Variants in TF observed in about 807,000 individuals in gnomAD.
TF encodes transferrin, also known as serotransferrin.
In TF, 55 loss-of-function variants were observed where a neutral mutation model predicts 82.4. The observed-to-expected ratio is 0.67, with a 90% CI of 0.54 to 0.84. The LOEUF is 0.84. Ranked by LOEUF, TF falls within the 40% of genes least tolerant of loss-of-function variation. The pLI is 0.00. For missense variants in TF, 737 were observed against 868.4 expected (o/e 0.85, Z 1.90); for synonymous variants, 332 against 332.6 (o/e 1.00, Z 0.02).
At chr3:133,680,230 G>T in the TF span, among the ~76,000 whole-genome samples, 5 of 150,336 alleles carry the variant, frequency 3.3e-5, no homozygotes, top group Admixed American at 1.3e-4. Context: ...TGGAGTTATA[G>T]GTTCTCCCTC....
Position 133,783,733 on chromosome 3 carries a change from TGGGCCCTCCAGGCCCTCCGCCC to T in TF, c.*5116_*5137del, listed in dbSNP as rs1934572165. The T allele has an allele frequency of 6.6e-6, 1 of 152,270 alleles. No individual in the cohort carries two copies. Among genetic ancestry groups the T allele is most frequent in the African/African-American group, 2.4e-5 (1 of 41,472 alleles). 9.4% of individuals were successfully genotyped at this position (152,270 alleles called of 1,614,324 possible). A position where few individuals can be genotyped will look rare whatever the true frequency, so the allele number is the denominator to read the frequency against. On this transcript the variant is annotated 3_prime_UTR_variant, in exon 17 of 17. Coordinates refer to ENST00000402696, the MANE Select transcript of TF (RefSeq NM_001063.4). ...GAGATGTGAGCGCGGACAGCTCTGC[TGGGCCCTCCAGGCCCTCCGCCC>T]GGTAGAACCCGGAGCCCTGGCCGCG...
chr3:133,688,725 G>A, the TF span, among the ~76,000 whole-genome samples: 2 of 152,136 alleles, frequency 1.3e-5, no homozygotes, highest in Admixed American at 6.5e-5. Flanking sequence ...AATGTTTTTG[G>A]AAGTTATGGT....
chr3:133,720,326 A>G, the TF span, among the ~76,000 whole-genome samples: 1 of 152,132 alleles, frequency 6.6e-6, no homozygotes, highest in African/African-American at 2.4e-5. Context: ...AATTTTATCA[A>G]TGCCTTTTTT....
chr3:133,748,079 TTCCA>T (rs1933552918), intron 1 of TF: 1 of 387,798 alleles, frequency 2.6e-6, no homozygotes, highest in Admixed American at 3.6e-5. Flanking sequence ...GAGGCTTATG[TTCCA>T]TGGGGGGCCA....
chr3:133,695,355 C>T, the TF span, among the ~76,000 whole-genome samples: 13,731 of 148,354 alleles, frequency 0.093, 2,078 homozygotes, highest in African/African-American at 0.32. Flanking sequence ...TCAAGCGATT[C>T]TCCTGCCTTA....
rs1022785885 is a variant in TF, at chr3:133,792,619, A to G, written c.*13999A>G. ...ACTCGCTAAGAGTTAACATTGTAAC[A>G]TGTAAGTGAGACTACTGAAGCAACA... is the stretch of plus-strand genomic sequence containing the variant. On this transcript the variant is annotated 3_prime_UTR_variant, in exon 17 of 17. Coordinates refer to ENST00000402696, the MANE Select transcript of TF (RefSeq NM_001063.4). 5.9e-5 allele frequency: 9 copies of G among 152,244 alleles called. No homozygotes were observed. Among genetic ancestry groups the G allele is most frequent in the African/African-American group, 2.4e-5 (1 of 41,470 alleles). 9.4% of individuals were successfully genotyped at this position (152,244 alleles called of 1,614,324 possible).
intron 14 of TF, chr3:133,774,321 C>CA (rs1191623848): frequency 6.6e-6 from 1 of 151,976 alleles, no homozygotes; most frequent in Non-Finnish European, 1.5e-5. Flanking sequence ...ACTTTAGTGG[C>CA]AAAAAATTGT....
chr3:133,678,501 T>C, the TF span, among the ~76,000 whole-genome samples: 1 of 152,246 alleles, frequency 6.6e-6, no homozygotes, highest in African/African-American at 2.4e-5. Flanking sequence ...TTCCTATTTT[T>C]CCACATCCTC....
the TF span, among the ~76,000 whole-genome samples, chr3:133,681,741 G>C: frequency 5.3e-5 from 8 of 152,204 alleles, no homozygotes; most frequent in African/African-American, 1.9e-4. Context: ...GCTCAAGGAG[G>C]CCTGCCTGCC....
chr3:133,706,079 G>A, the TF span, among the ~76,000 whole-genome samples: 1 of 152,190 alleles, frequency 6.6e-6, no homozygotes, highest in Non-Finnish European at 1.5e-5. Flanking sequence ...GGGCCACACT[G>A]CCAGGAGGCG....
In TF at chr3:133,763,198, G is replaced by T. The variant is rs8177269; in HGVS notation, c.1204-984G>T. Among the ~76,000 whole-genome samples the T allele has an allele frequency of 5.7e-3, 864 of 151,992 alleles. 13 individuals are homozygous for T. The highest frequency in any genetic ancestry group is 0.02 in the African/African-American group (816 of 41,460). On this transcript the variant is annotated intron_variant, in intron 9 of 16. Transcript: ENST00000402696. ...AGTTTGGATGTGTAGAGGGAGTTAT[G>T]GAAAATATATAAAGTGGCTGTTGGG...
rs1401813824 is a variant in TF, at chr3:133,783,625, A to T, written c.*5005A>T. 1 of 152,270 alleles carries T rather than the reference A, an allele frequency of 6.6e-6. No individual in the cohort carries two copies. The highest frequency in any genetic ancestry group is 1.5e-5 in the Non-Finnish European group (1 of 68,038). The allele number at this position is 152,270 out of a possible 1,614,324, so 9.4% of individuals were successfully genotyped here. A position where few individuals can be genotyped will look rare whatever the true frequency, so the allele number is the denominator to read the frequency against. On this transcript the variant is annotated 3_prime_UTR_variant, in exon 17 of 17. Transcript: ENST00000402696. ...CAGAAGTCCTGTAAGACAAAAATAG[A>T]CAAATAAAATGTGAAGATTTTTAAG...
chr3:133,746,430 G>A lies in TF; in HGVS notation c.-11G>A. The stretch of plus-strand genomic sequence containing the variant: ...CCGACTGTGCTCGCTGCTCAGCGCC[G>A]CACCCGGAAGATGAGGCTCGCCGTG... On this transcript the variant is annotated 5_prime_UTR_variant, in exon 1 of 17. Coordinates refer to ENST00000402696, the MANE Select transcript of TF (RefSeq NM_001063.4). The A allele has an allele frequency of 1.3e-6, 2 of 1,597,652 alleles. No individual in the cohort carries two copies. The highest frequency in any genetic ancestry group is 1.7e-6 in the Non-Finnish European group (2 of 1,175,380).
the TF span, among the ~76,000 whole-genome samples, chr3:133,716,252 C>A: frequency 6.6e-6 from 1 of 152,144 alleles, no homozygotes; most frequent in Non-Finnish European, 1.5e-5. Context: ...TTTCCTGAAA[C>A]CCCAGACCTG....
the TF span, among the ~76,000 whole-genome samples, chr3:133,733,711 C>T: frequency 2.0e-5 from 3 of 152,190 alleles, no homozygotes; most frequent in Admixed American, 6.5e-5. Context: ...TTGAACAATG[C>T]TGAATATCTC....
At chr3:133,672,421 A>C in the TF span, among the ~76,000 whole-genome samples, 3 of 152,036 alleles carry the variant, frequency 2.0e-5, no homozygotes, top group African/African-American at 7.2e-5. Context: ...AGAAACCTGC[A>C]GAATGATTTC....
intron 9 of TF, chr3:133,761,538 T>G (rs1201969544): frequency 1.3e-5 from 2 of 152,198 alleles, no homozygotes; most frequent in Non-Finnish European, 2.9e-5. Context: ...GCAAAGGGTG[T>G]ACTTCTGGGT....
At chr3:133,702,658 A>G in the TF span, among the ~76,000 whole-genome samples, 4 of 151,880 alleles carry the variant, frequency 2.6e-5, no homozygotes, top group African/African-American at 9.7e-5. Context: ...TTTATTTATT[A>G]TGATCTCTGA....
the TF span, among the ~76,000 whole-genome samples, chr3:133,663,240 G>T: frequency 7.2e-4 from 110 of 152,058 alleles, no homozygotes; most frequent in Admixed American, 6.5e-3. Flanking sequence ...TGTATTTAGA[G>T]TTGAGCCCAC....
Sources: allele counts gnomAD v4.1 joint callset (sites outside exome capture counted in the v4.1 genomes callset), GRCh38; gene constraint gnomAD v4.1.1; transcripts MANE v1.5; gene names NCBI Gene and HGNC (gene_info 2026-07-23, HGNC 2026-07-21).